Variants in UFM1 observed in about 807,000 individuals in gnomAD.
UFM1 encodes the protein ubiquitin fold modifier 1.
A neutral mutation model predicts 15.4 loss-of-function variants in UFM1; 9 were observed. The observed-to-expected ratio is 0.59, with a 90% CI of 0.35 to 1.02. The LOEUF (loss-of-function observed/expected upper bound fraction) is 1.02, where lower values mean the gene tolerates loss of function less well. Among genes scored for constraint, UFM1 ranks in the 50% least tolerant of loss-of-function variants. The probability of loss-of-function intolerance (pLI) is 0.02; values close to 1 mark genes in which losing one functional copy is unlikely to be tolerated. For synonymous variants in UFM1, 27 were observed against 36.3 expected (o/e 0.74, Z 0.92); for missense variants, 98 against 104.7 (o/e 0.94, Z 0.28).
intron 5 of UFM1, chr13:38,359,724 A>AT (rs151264552): frequency 0.047 from 7,715 of 163,068 alleles, 656 homozygotes; most frequent in African/African-American, 0.18. Context: ...AAGTGCTATT[A>AT]TTTTTTTTAA....
chr13:38,354,218 G>C, intron 2 of UFM1, 21 bp from the exon 3 acceptor site: 1 of 1,605,922 alleles, frequency 6.2e-7, no homozygotes, highest in Non-Finnish European at 8.5e-7. Context: ...AAAAGAAACT[G>C]TTTTAAAATT....
At chr13:38,356,125 T>A (rs964889437) in intron 3 of UFM1, among the ~76,000 whole-genome samples, 6 of 151,928 alleles carry the variant, frequency 3.9e-5, no homozygotes, top group African/African-American at 1.4e-4. Context: ...TCACCAGTGA[T>A]GCCTCCTCAT....
Position 38,350,020 on chromosome 13 carries a change from C to T in UFM1, c.24C>T (p.Ile8=). The change falls in exon 2 of 6, where the codon ATC becomes ATT. Residue 8 remains isoleucine (I), a synonymous_variant. Transcript: ENST00000239878. The stretch of plus-strand genomic sequence containing the variant: ...TCAGGTCGAAGGTTTCCTTTAAGAT[C>T]ACGCTGACGTCGGACCCACGGCTGC... The part of the protein sequence containing the change: MSKVSFK[I]TLTSDPRLPY... The T allele has an allele frequency of 6.2e-7, 1 of 1,614,262 alleles. No individual in the cohort carries two copies. The highest frequency in any genetic ancestry group is 8.5e-7 in the Non-Finnish European group (1 of 1,180,054).
intron 3 of UFM1, among the ~76,000 whole-genome samples, chr13:38,355,458 T>G (rs1463670733): frequency 6.6e-6 from 1 of 151,996 alleles, no homozygotes; most frequent in African/African-American, 2.4e-5. Flanking sequence ...AATCCACAAA[T>G]TCCAGATTTA....
chr13:38,360,975 C>CTAG lies in UFM1; in HGVS notation c.*198_*199insAGT. 1 of 433,034 alleles carries CTAG rather than the reference C, an allele frequency of 2.3e-6. No individual in the cohort carries two copies. The highest frequency in any genetic ancestry group is 4.1e-6 in the Non-Finnish European group (1 of 243,408). The allele number at this position is 433,034 out of a possible 1,614,324, so 26.8% of individuals were successfully genotyped here. A position where few individuals can be genotyped will look rare whatever the true frequency, so the allele number is the denominator to read the frequency against. ...GAATGCGTATGAATTAAGGCTACTACTGTCACAGAAGATCATAGTCTTTGA... is the reference window on the plus strand; with the variant it reads ...GAATGCGTATGAATTAAGGCTACTACTAGTGTCACAGAAGATCATAGTCTTTGA... On this transcript the variant is annotated 3_prime_UTR_variant, in exon 6 of 6. Coordinates refer to ENST00000239878, the MANE Select transcript of UFM1 (RefSeq NM_016617.4).
chr13:38,356,208 A>G (rs1376177463), intron 3 of UFM1, among the ~76,000 whole-genome samples: 3 of 151,882 alleles, frequency 2.0e-5, no homozygotes, highest in Admixed American at 2.0e-4. Flanking sequence ...TTTTAAAGTT[A>G]TAGGTTGCTA....
Position 38,358,104 on chromosome 13 carries a change from TG to T in UFM1, c.130del (p.Ala44LeufsTer12). 1 of 1,433,858 alleles carries T rather than the reference TG, an allele frequency of 7.0e-7. No individual in the cohort carries two copies. The highest frequency in any genetic ancestry group is 9.3e-7 in the Non-Finnish European group (1 of 1,070,590). 88.8% of individuals were successfully genotyped at this position (1,433,858 alleles called of 1,614,324 possible). ...TTCCTTCTATTTAGTTTAAAGTTCC[TG>T]CTGCAACAAGTGCAATTATTACCAA... is the stretch of plus-strand genomic sequence containing the variant. ...KFAAEEFKVP[A>X]ATSAIITNDG... On this transcript the variant is annotated frameshift_variant, in exon 4 of 6. Transcript: ENST00000239878. LOFTEE classifies it high-confidence loss of function.
Position 38,362,443 on chromosome 13 carries a change from GTTTTTA to G in UFM1, c.*1675_*1680del, listed in dbSNP as rs941353090. 9 of 146,028 alleles carry G rather than the reference GTTTTTA, an allele frequency of 6.2e-5. No homozygotes were observed. Among genetic ancestry groups the G allele is most frequent in the African/African-American group, 2.0e-4 (8 of 40,816 alleles). The allele number at this position is 146,028 out of a possible 1,614,324, so 9.0% of individuals were successfully genotyped here. A position where few individuals can be genotyped will look rare whatever the true frequency, so the allele number is the denominator to read the frequency against. ...GTGAAAAAATCTGATGTTTGAGGAA[GTTTTTA>G]TTTTTATTTATTTGTTTTGTTTTTT... On this transcript the variant is annotated 3_prime_UTR_variant, in exon 6 of 6. Coordinates refer to ENST00000239878, the MANE Select transcript of UFM1 (RefSeq NM_016617.4).
Position 38,362,398 on chromosome 13 carries a change from A to G in UFM1, c.*1620A>G, listed in dbSNP as rs1295215615. On this transcript the variant is annotated 3_prime_UTR_variant, in exon 6 of 6. Transcript: ENST00000239878. ...GAACAGCAGGATTATGAATTATCAA[A>G]GGAAAAAGTATTTGCTGAGGTGAAA... The G allele has an allele frequency of 6.6e-6, 1 of 152,132 alleles. No homozygotes were observed. Among genetic ancestry groups the G allele is most frequent in the Non-Finnish European group, 1.5e-5 (1 of 68,016 alleles). 9.4% of individuals were successfully genotyped at this position (152,132 alleles called of 1,614,324 possible).
intron 2 of UFM1, among the ~76,000 whole-genome samples, chr13:38,351,952 G>C (rs959924945): frequency 1.6e-4 from 25 of 152,124 alleles, no homozygotes; most frequent in African/African-American, 6.0e-4. Context: ...ATGGTAACTA[G>C]TACTTGGGTA....
intron 4 of UFM1, among the ~76,000 whole-genome samples, chr13:38,358,401 T>G (rs1879218785): frequency 3.0e-5 from 1 of 33,654 alleles, no homozygotes; most frequent in Admixed American, 4.8e-4. Flanking sequence ...ATAACTTTAT[T>G]TAGCAAGTTT....
At chr13:38,358,955 C>G (rs1879249783) in intron 4 of UFM1, among the ~76,000 whole-genome samples, 1 of 152,018 alleles carries the variant, frequency 6.6e-6, no homozygotes, top group Non-Finnish European at 1.5e-5. Flanking sequence ...GAAGATGATT[C>G]ATGGCATACC....
In UFM1 at chr13:38,349,899, T is replaced by G. The variant is rs1280168769; in HGVS notation, c.-21T>G. The stretch of plus-strand genomic sequence containing the variant: ...ACCCCCGCGGAGTTGTCGTGTGTTC[T>G]GGATTCATTCCGGCACCACCATGTA... On this transcript the variant is annotated 5_prime_UTR_variant, in exon 1 of 6. Coordinates refer to ENST00000239878, the MANE Select transcript of UFM1 (RefSeq NM_016617.4). The G allele has an allele frequency of 2.5e-6, 4 of 1,614,056 alleles. No homozygotes were observed. The Admixed American group carries it at 6.7e-5, about 27-fold the overall frequency.
rs1284552174 is a variant in UFM1 at position 38,362,885 on chromosome 13, TA to T, written c.*2114del. ...ATTAAACAAGTAGACATTTTGTTAT[TA>T]AAAAAATGTGATCTGTAATTTCTTT... On this transcript the variant is annotated 3_prime_UTR_variant, in exon 6 of 6. Coordinates refer to ENST00000239878, the MANE Select transcript of UFM1 (RefSeq NM_016617.4). 6.6e-6 allele frequency: 1 copy of T among 152,200 alleles called. No homozygotes were observed. Among genetic ancestry groups the T allele is most frequent in the African/African-American group, 2.4e-5 (1 of 41,464 alleles). The allele number at this position is 152,200 out of a possible 1,614,324, so 9.4% of individuals were successfully genotyped here. A position where few individuals can be genotyped will look rare whatever the true frequency, so the allele number is the denominator to read the frequency against.
Position 38,359,345 on chromosome 13 carries a change from A to G in UFM1, c.190+12A>G, listed in dbSNP as rs1358064142. 1 of 1,611,538 alleles carries G rather than the reference A, an allele frequency of 6.2e-7. No individual in the cohort carries two copies. Among genetic ancestry groups the G allele is most frequent in the Admixed American group, 1.7e-5 (1 of 59,978 alleles). ...TGCACAGACTGCTGGTGAGTATTTGAAAACTCATAGAGGAGTGGGTGGGGT... is the reference window on the plus strand; with the variant it reads ...TGCACAGACTGCTGGTGAGTATTTGGAAACTCATAGAGGAGTGGGTGGGGT... On this transcript the variant is annotated intron_variant, in intron 5 of 5. Coordinates refer to ENST00000239878, the MANE Select transcript of UFM1 (RefSeq NM_016617.4).
At chr13:38,351,139 A>C (rs1015445297) in intron 2 of UFM1, among the ~76,000 whole-genome samples, 1 of 152,156 alleles carries the variant, frequency 6.6e-6, no homozygotes, top group African/African-American at 2.4e-5. Flanking sequence ...TTAAGAGTCC[A>C]TTGGTCCACC....
Position 38,361,033 on chromosome 13 carries a change from G to T in UFM1, c.*255G>T, listed in dbSNP as rs1879356605. ...TCACAACACAAACAGGTAGTTCGTT[G>T]GGGGCAAATGAATTAGCCAACTGTT... On this transcript the variant is annotated 3_prime_UTR_variant, in exon 6 of 6. Coordinates refer to ENST00000239878, the MANE Select transcript of UFM1 (RefSeq NM_016617.4). 3.2e-6 allele frequency: 1 copy of T among 313,818 alleles called. No individual in the cohort carries two copies. Among genetic ancestry groups the T allele is most frequent in the South Asian group, 1.3e-4 (1 of 7,742 alleles). 19.4% of individuals were successfully genotyped at this position (313,818 alleles called of 1,614,324 possible). A position where few individuals can be genotyped will look rare whatever the true frequency, so the allele number is the denominator to read the frequency against.
Position 38,360,866 on chromosome 13 carries a change from A to G in UFM1, c.*88A>G. ...AAAATTGAAATCAGGCATTTAACATACTATGAAAACACCAGGAGTCAATGA... is the reference window on the plus strand; with the variant it reads ...AAAATTGAAATCAGGCATTTAACATGCTATGAAAACACCAGGAGTCAATGA... On this transcript the variant is annotated 3_prime_UTR_variant, in exon 6 of 6. Transcript: ENST00000239878. 2 of 1,056,110 alleles carry G rather than the reference A, an allele frequency of 1.9e-6. No homozygotes were observed. The highest frequency in any genetic ancestry group is 2.9e-6 in the Non-Finnish European group (2 of 689,234). 65.4% of individuals were successfully genotyped at this position (1,056,110 alleles called of 1,614,324 possible). A position where few individuals can be genotyped will look rare whatever the true frequency, so the allele number is the denominator to read the frequency against.
intron 4 of UFM1, among the ~76,000 whole-genome samples, chr13:38,358,340 A>G (rs1237227225): frequency 3.3e-5 from 5 of 151,618 alleles, no homozygotes; most frequent in African/African-American, 4.8e-5. Flanking sequence ...ATAGTATAGC[A>G]CTTTATAATA....
Sources: gnomAD v4.1 joint callset for allele counts (sites outside exome capture counted in the v4.1 genomes callset) on GRCh38, gnomAD v4.1.1 for gene constraint, MANE v1.5 for transcripts, NCBI Gene and HGNC (gene_info 2026-07-23, HGNC 2026-07-21) for gene names.